CCSER1: variants seen among roughly 807,000 people sequenced by gnomAD.
CCSER1 encodes coiled-coil serine rich protein 1, also known as serine-rich coiled-coil domain-containing protein 1.
CCSER1 carries 41 observed loss-of-function variants against 82.0 expected under a neutral mutation model. The ratio of observed to expected loss-of-function variants is 0.50; its 90% CI spans 0.39 to 0.65. The LOEUF is 0.65. CCSER1 is among the 30% of genes least tolerant of loss of function. CCSER1 has a pLI of 0.00. For missense variants in CCSER1, 1,119 were observed against 1,064.2 expected, an observed-to-expected ratio of 1.05 and a Z score of -0.72; for synonymous variants, 414 against 383.9, an observed-to-expected ratio of 1.08 and a Z score of -0.92.
rs201354908 is a variant in CCSER1, at chr4:90,611,059, CTTTTTTT to C, written c.1725-16952_1725-16946del. Among the ~76,000 whole-genome samples, 340 of 93,834 alleles carry C rather than the reference CTTTTTTT, an allele frequency of 3.6e-3. 22 individuals are homozygous for C. In the East Asian group the frequency reaches 0.1, roughly 29 times the overall value. 61.6% of individuals were successfully genotyped at this position (93,834 alleles called of 152,430 possible). A position where few individuals can be genotyped will look rare whatever the true frequency, so the allele number is the denominator to read the frequency against. ...TGCCTGGCTAATTTTCTTTTCTTTT[CTTTTTTT>C]TTTTTTTTTTTTTGTAGAGATAGAG... On this transcript the variant is annotated intron_variant, in intron 5 of 10. Transcript: ENST00000509176.
At chr4:90,696,640 A>G (rs949216475) in intron 6 of CCSER1, among the ~76,000 whole-genome samples, 5 of 152,162 alleles carry the variant, frequency 3.3e-5, no homozygotes, top group Admixed American at 2.6e-4. Flanking sequence ...AATAATTTCG[A>G]TATAGCTTGA....
At chr4:90,981,079 A>G (rs1736072269) in intron 9 of CCSER1, among the ~76,000 whole-genome samples, 1 of 151,744 alleles carries the variant, frequency 6.6e-6, no homozygotes, top group African/African-American at 2.4e-5. Context: ...CAATTACAGA[A>G]GTTGGTGGAT....
At chr4:90,221,005 A>G (rs1174175781) in intron 1 of CCSER1, among the ~76,000 whole-genome samples, 3 of 152,220 alleles carry the variant, frequency 2.0e-5, no homozygotes, top group South Asian at 4.1e-4. Flanking sequence ...AAGATGATTT[A>G]GAAATTGAAT....
At chr4:90,599,944 A>G (rs1783837745) in intron 5 of CCSER1, among the ~76,000 whole-genome samples, 1 of 152,208 alleles carries the variant, frequency 6.6e-6, no homozygotes, top group Admixed American at 6.5e-5. Context: ...AGCATTTCTT[A>G]GAACTTTATA....
chr4:90,390,413 T>G (rs1434006458), intron 3 of CCSER1, among the ~76,000 whole-genome samples: 1 of 152,210 alleles, frequency 6.6e-6, no homozygotes, highest in Non-Finnish European at 1.5e-5. Flanking sequence ...ACCCAGTGGT[T>G]AGGTTTTTCA....
At chr4:91,022,865 T>C (rs1740129182) in intron 9 of CCSER1, among the ~76,000 whole-genome samples, 1 of 152,208 alleles carries the variant, frequency 6.6e-6, no homozygotes. Context: ...TTGTTTATTT[T>C]TTTCTTGTAA....
intron 3 of CCSER1, among the ~76,000 whole-genome samples, chr4:90,378,842 T>C (rs1009962083): frequency 2.6e-5 from 4 of 152,116 alleles, no homozygotes; most frequent in African/African-American, 9.7e-5. Flanking sequence ...CCCATATGAG[T>C]TTATATTATT....
intron 10 of CCSER1, among the ~76,000 whole-genome samples, chr4:91,102,799 T>G (rs562974106): frequency 7.2e-5 from 11 of 152,346 alleles, no homozygotes; most frequent in African/African-American, 2.6e-4. Flanking sequence ...TCCAGATGGT[T>G]GAACTGATTC....
chr4:90,610,520 T>A (rs76003209), intron 5 of CCSER1, among the ~76,000 whole-genome samples: 3,220 of 152,218 alleles, frequency 0.021, 50 homozygotes, highest in Non-Finnish European at 0.028. Flanking sequence ...ATTTTAGCTC[T>A]TTTTGCTTTC....
intron 1 of CCSER1, among the ~76,000 whole-genome samples, chr4:90,248,700 ATT>A (rs113045025): frequency 0.035 from 4,950 of 143,452 alleles, 179 homozygotes; most frequent in African/African-American, 0.095. Flanking sequence ...AGAATTTTAG[ATT>A]TTTTTTTTTT....
intron 10 of CCSER1, among the ~76,000 whole-genome samples, chr4:91,238,490 A>T (rs1408638547): frequency 1.3e-5 from 2 of 152,216 alleles, no homozygotes; most frequent in Non-Finnish European, 2.9e-5. Flanking sequence ...GATCTATGGA[A>T]ACTGTGAGAT....
chr4:90,256,542 C>T (rs556027381), intron 1 of CCSER1, among the ~76,000 whole-genome samples: 1 of 152,228 alleles, frequency 6.6e-6, no homozygotes, highest in African/African-American at 2.4e-5. Flanking sequence ...TTACTGAGTG[C>T]TGGGTCTTAC....
At chr4:90,835,750 A>G (rs1761727943) in intron 8 of CCSER1, among the ~76,000 whole-genome samples, 1 of 152,186 alleles carries the variant, frequency 6.6e-6, no homozygotes, top group South Asian at 2.1e-4. Context: ...CAACTAGAAT[A>G]TAGTTTTAAT....
chr4:90,958,145 A>T (rs1733711436), intron 9 of CCSER1, among the ~76,000 whole-genome samples: 1 of 152,026 alleles, frequency 6.6e-6, no homozygotes, highest in South Asian at 2.1e-4. Flanking sequence ...AATGTTTAAG[A>T]CCTCTGAATT....
At chr4:90,669,072 A>G (rs1435518296) in intron 6 of CCSER1, among the ~76,000 whole-genome samples, 2 of 152,050 alleles carry the variant, frequency 1.3e-5, no homozygotes, top group Non-Finnish European at 2.9e-5. Flanking sequence ...CAGATAGACA[A>G]TGGAAATATT....
rs1456773809 is a variant in CCSER1 at position 90,391,281 on chromosome 4, AAAAAAG to A, written c.1510-8749_1510-8744del. 7.9e-3 allele frequency among the ~76,000 whole-genome samples: 1,106 copies of A among 140,880 alleles called. 37 individuals carry two copies. The highest frequency in any genetic ancestry group is 0.029 in the African/African-American group (1,039 of 36,188). The allele number at this position is 140,880 out of a possible 152,430, so 92.4% of individuals were successfully genotyped here. A position where few individuals can be genotyped will look rare whatever the true frequency, so the allele number is the denominator to read the frequency against. On this transcript the variant is annotated intron_variant, in intron 3 of 10. Coordinates refer to ENST00000509176, the MANE Select transcript of CCSER1 (RefSeq NM_001145065.2). ...GAGCAAGACTCTGTCTCAAAAAAAA[AAAAAAG>A]AAAAAAAAAGAAAAAGAAGTAGCCC...
At chr4:91,378,953 A>C (rs1750656721) in intron 10 of CCSER1, among the ~76,000 whole-genome samples, 1 of 152,186 alleles carries the variant, frequency 6.6e-6, no homozygotes, top group African/African-American at 2.4e-5. Context: ...GAGAGTTTTT[A>C]GCATGAAGGG....
At chr4:91,106,519 C>G (rs1725633140) in intron 10 of CCSER1, among the ~76,000 whole-genome samples, 1 of 152,206 alleles carries the variant, frequency 6.6e-6, no homozygotes, top group Non-Finnish European at 1.5e-5. Flanking sequence ...TCTTTTTCTA[C>G]TCTTTCCCAT....
At chr4:91,453,943 G>T (rs1756003425) in intron 10 of CCSER1, among the ~76,000 whole-genome samples, 1 of 152,026 alleles carries the variant, frequency 6.6e-6, no homozygotes, top group African/African-American at 2.4e-5. Context: ...GTCTAGTATT[G>T]TAATGAGGTA....
Sources: allele counts gnomAD v4.1 joint callset (sites outside exome capture counted in the v4.1 genomes callset), GRCh38; gene constraint gnomAD v4.1.1; transcripts MANE v1.5; gene names NCBI Gene and HGNC (gene_info 2026-07-23, HGNC 2026-07-21).